DOCK4: variants seen among roughly 807,000 people sequenced by gnomAD.
DOCK4 encodes the protein dedicator of cytokinesis 4, also known as dedicator of cytokinesis protein 4.
A neutral mutation model predicts 268.1 loss-of-function variants in DOCK4; 97 were observed. The observed-to-expected ratio is 0.36, with a 90% CI of 0.31 to 0.43. DOCK4 has a LOEUF of 0.43. Ranked by LOEUF, DOCK4 falls within the 20% of genes least tolerant of loss-of-function variation. The pLI is 1.00. For missense variants in DOCK4, 2,145 were observed against 2,455.7 expected, an observed-to-expected ratio of 0.87 and a Z score of 2.67; for synonymous variants, 954 against 887.2, an observed-to-expected ratio of 1.08 and a Z score of -1.34.
intron 25 of DOCK4, among the ~76,000 whole-genome samples, chr7:111,835,650 GTAAC>G (rs1803180108): frequency 1.3e-5 from 2 of 152,148 alleles, no homozygotes; most frequent in South Asian, 2.1e-4. Flanking sequence ...GCAATCACTG[GTAAC>G]TAACTGTATA....
At chr7:111,853,531 T>C (rs564888147) in intron 23 of DOCK4, among the ~76,000 whole-genome samples, 1 of 152,238 alleles carries the variant, frequency 6.6e-6, no homozygotes, top group South Asian at 2.1e-4. Flanking sequence ...CAAACAAGCC[T>C]TTCAGACACT....
intron 23 of DOCK4, among the ~76,000 whole-genome samples, chr7:111,858,324 G>T (rs1214958699): frequency 6.6e-6 from 1 of 152,152 alleles, no homozygotes; most frequent in African/African-American, 2.4e-5. Flanking sequence ...CTTGGGATTT[G>T]TGATGGTTAA....
intron 26 of DOCK4, among the ~76,000 whole-genome samples, chr7:111,829,572 C>A (rs1353369705): frequency 6.6e-6 from 1 of 152,162 alleles, no homozygotes; most frequent in Admixed American, 6.5e-5. Flanking sequence ...ACCTTAACAA[C>A]AGGCTTTTAT....
chr7:111,925,409 A>G (rs1793523132), intron 12 of DOCK4, among the ~76,000 whole-genome samples: 1 of 152,192 alleles, frequency 6.6e-6, no homozygotes, highest in Admixed American at 6.5e-5. Context: ...GGAAAGAAAG[A>G]AAGTCAAATT....
chr7:112,142,512 T>C (rs184071612), intron 1 of DOCK4, among the ~76,000 whole-genome samples: 680 of 152,342 alleles, frequency 4.5e-3, no homozygotes, highest in Non-Finnish European at 7.2e-3. Context: ...TCATCACTAA[T>C]GCATTTCTAA....
chr7:112,079,166 G>A (rs1346891651), intron 1 of DOCK4, among the ~76,000 whole-genome samples: 1 of 151,978 alleles, frequency 6.6e-6, no homozygotes, highest in African/African-American at 2.4e-5. Flanking sequence ...AATGATAGCA[G>A]GCAGGAAGAA....
chr7:111,847,125 A>AT lies in DOCK4; in HGVS notation c.2474dup (p.Asp825GlufsTer32). The AT allele has an allele frequency of 6.2e-7, 1 of 1,613,716 alleles. No homozygotes were observed. Among genetic ancestry groups the AT allele is most frequent in the African/African-American group, 1.3e-5 (1 of 75,064 alleles). On this transcript the variant is annotated frameshift_variant and splice_region_variant, in exon 24 of 53. Transcript: ENST00000428084. LOFTEE classifies it high-confidence loss of function. ...CGACAGGCAGAAGAATGTATCGGGA[A>AT]TCTGAAGAGAGAAGAGTCATTAGTG...
chr7:111,823,842 G>A (rs1442879774), intron 26 of DOCK4, among the ~76,000 whole-genome samples: 1 of 152,188 alleles, frequency 6.6e-6, no homozygotes, highest in Non-Finnish European at 1.5e-5. Flanking sequence ...AAACATGTAA[G>A]CTGCTTGAAT....
chr7:111,741,000 T>C, intron 47 of DOCK4, 94 bp downstream of exon 47: 1 of 1,461,504 alleles, frequency 6.8e-7, no homozygotes, highest in Non-Finnish European at 9.3e-7. Flanking sequence ...TCTTGCTTGT[T>C]GGTCTGTTCA....
At chr7:111,941,935 G>T (rs1795235232) in intron 10 of DOCK4, among the ~76,000 whole-genome samples, 5 of 152,128 alleles carry the variant, frequency 3.3e-5, no homozygotes, top group African/African-American at 7.2e-5. Context: ...ACCTCCACCT[G>T]ACTCATGTCT....
intron 30 of DOCK4, among the ~76,000 whole-genome samples, chr7:111,807,237 C>T (rs1800742631): frequency 6.6e-6 from 1 of 152,170 alleles, no homozygotes; most frequent in Non-Finnish European, 1.5e-5. Flanking sequence ...TTCAATGCAG[C>T]ATTCTTTCAA....
rs1416384485 is a variant in DOCK4 at position 111,925,040 on chromosome 7, A to AT, written c.1067-9137dup. Among the ~76,000 whole-genome samples, 10 of 152,268 alleles carry AT rather than the reference A, an allele frequency of 6.6e-5. No homozygotes were observed. In the East Asian group the frequency reaches 1.4e-3, roughly 21 times the overall value. ...AACTTCCTATAGATGATATTAGTAGATTTTTTCAAAAATCACCTTCAGTAA... is the reference window on the plus strand; with the variant it reads ...AACTTCCTATAGATGATATTAGTAGATTTTTTTCAAAAATCACCTTCAGTAA... On this transcript the variant is annotated intron_variant, in intron 12 of 52. Coordinates refer to ENST00000428084, the MANE Select transcript of DOCK4 (RefSeq NM_001363540.2).
intron 32 of DOCK4, among the ~76,000 whole-genome samples, chr7:111,786,695 C>T (rs746328989): frequency 4.6e-4 from 70 of 152,100 alleles, no homozygotes; most frequent in African/African-American, 1.5e-3. Context: ...ATGAATTACA[C>T]GTAACAAATG....
At chr7:112,139,404 A>G (rs923395985) in intron 1 of DOCK4, among the ~76,000 whole-genome samples, 1 of 152,226 alleles carries the variant, frequency 6.6e-6, no homozygotes, top group Non-Finnish European at 1.5e-5. Flanking sequence ...ACTAATCCCA[A>G]CAGAAGGCAC....
At chr7:112,021,487 G>A (rs925411916) in intron 1 of DOCK4, among the ~76,000 whole-genome samples, 2 of 152,170 alleles carry the variant, frequency 1.3e-5, no homozygotes, top group Admixed American at 6.5e-5. Flanking sequence ...CACATAAAGT[G>A]GAATAAAAAT....
intron 23 of DOCK4, among the ~76,000 whole-genome samples, chr7:111,858,825 C>CCATT (rs1461492098): frequency 6.6e-6 from 1 of 151,936 alleles, no homozygotes; most frequent in Non-Finnish European, 1.5e-5. Context: ...TTCCTTCCCT[C>CCATT]CCTTCCTTCC....
At chr7:112,066,414 T>C (rs987381536) in intron 1 of DOCK4, among the ~76,000 whole-genome samples, 8 of 151,524 alleles carry the variant, frequency 5.3e-5, no homozygotes, top group Non-Finnish European at 5.9e-5. Context: ...AGATGGCCTA[T>C]CATGGGACAA....
chr7:111,795,350 C>T lies in DOCK4; in HGVS notation c.3167-4745G>A, dbSNP rs573109498. ...CAGCTTCATCCCTGGCCCCAGGGAC[C>T]GGTTCATGATAGGCACATCACCCAG... On this transcript the variant is annotated intron_variant, in intron 30 of 52. Transcript: ENST00000428084. Among the ~76,000 whole-genome samples the T allele has an allele frequency of 2.1e-4, 32 of 152,220 alleles. 1 individual carries two copies. Among genetic ancestry groups the T allele is most frequent in the African/African-American group, 7.5e-4 (31 of 41,518 alleles).
intron 6 of DOCK4, among the ~76,000 whole-genome samples, chr7:111,984,974 G>A (rs1798938381): frequency 6.6e-6 from 1 of 152,174 alleles, no homozygotes; most frequent in Non-Finnish European, 1.5e-5. Context: ...GCCTGGGCTG[G>A]CAGAATAGTT....
Sources: gnomAD v4.1 joint callset for allele counts (sites outside exome capture counted in the v4.1 genomes callset) on GRCh38, gnomAD v4.1.1 for gene constraint, MANE v1.5 for transcripts, NCBI Gene and HGNC (gene_info 2026-07-23, HGNC 2026-07-21) for gene names.